Variants in KCNN2 observed in about 807,000 individuals in gnomAD.
KCNN2 encodes potassium calcium-activated channel subfamily N member 2.
In KCNN2, 24 loss-of-function variants were observed where a neutral mutation model predicts 55.5. The ratio of observed to expected loss-of-function variants is 0.43; its 90% CI spans 0.31 to 0.61. The LOEUF (loss-of-function observed/expected upper bound fraction) is 0.61, where lower values mean the gene tolerates loss of function less well. KCNN2 is among the 20% of genes least tolerant of loss of function. The probability of loss-of-function intolerance (pLI) is 0.08; values close to 1 mark genes in which losing one functional copy is unlikely to be tolerated. For missense variants in KCNN2, 754 were observed against 853.6 expected (o/e 0.88, Z 1.45); for synonymous variants, 431 against 336.1 (o/e 1.28, Z -3.09).
chr5:114,261,494 C>T (rs1180995286), intron 2 of KCNN2, among the ~76,000 whole-genome samples: 1 of 152,178 alleles, frequency 6.6e-6, no homozygotes, highest in Non-Finnish European at 1.5e-5. Context: ...GAACCTTTCA[C>T]ACAAAGTGCT....
At chr5:114,157,972 T>C (rs76673742) in intron 1 of KCNN2, among the ~76,000 whole-genome samples, 148,547 of 150,950 alleles carry the variant, frequency 0.98, 73,150 homozygotes, top group Middle Eastern at 1. Context: ...ACTCTGATGG[T>C]AGTTTCTTTT....
chr5:114,306,210 T>G (rs1002308179), intron 2 of KCNN2, among the ~76,000 whole-genome samples: 4 of 152,222 alleles, frequency 2.6e-5, no homozygotes, highest in African/African-American at 9.6e-5. Context: ...GCCAGCTATA[T>G]AGCATTCACC....
chr5:114,363,341 G>T (rs1252533317), intron 1 of KCNN2, 80 bp downstream of exon 1: 7 of 1,436,232 alleles, frequency 4.9e-6, no homozygotes, highest in African/African-American at 1.4e-5. Context: ...GACCCTTTGC[G>T]TGCGGATCCC....
intron 2 of KCNN2, among the ~76,000 whole-genome samples, chr5:114,355,058 A>G (rs1203866446): frequency 6.6e-6 from 1 of 152,174 alleles, no homozygotes; most frequent in Non-Finnish European, 1.5e-5. Flanking sequence ...CATTTAATTT[A>G]ACTTAGCAAA....
intron 2 of KCNN2, among the ~76,000 whole-genome samples, chr5:114,244,612 AT>A (rs1314115588): frequency 3.5e-5 from 5 of 142,578 alleles, no homozygotes; most frequent in Non-Finnish European, 7.7e-5. Context: ...ATGGGGGGTT[AT>A]TGGGGGGAGT....
chr5:114,125,914 C>T (rs1201264498), intron 1 of KCNN2, among the ~76,000 whole-genome samples: 1 of 152,254 alleles, frequency 6.6e-6, no homozygotes, highest in South Asian at 2.1e-4. Flanking sequence ...TATCTCCAAA[C>T]AGTCACAAAG....
At chr5:114,105,138 T>A (rs1240947064) in intron 1 of KCNN2, among the ~76,000 whole-genome samples, 1 of 152,086 alleles carries the variant, frequency 6.6e-6, no homozygotes, top group Non-Finnish European at 1.5e-5. Flanking sequence ...TACCCTAGAC[T>A]GGAGCTTGGC....
chr5:114,260,293 G>A (rs922485390), intron 2 of KCNN2, among the ~76,000 whole-genome samples: 1 of 152,100 alleles, frequency 6.6e-6, no homozygotes, highest in Non-Finnish European at 1.5e-5. Context: ...TTAAATATCA[G>A]TGCCATTCCC....
intron 3 of KCNN2, among the ~76,000 whole-genome samples, chr5:114,453,977 C>T (rs1305813739): frequency 1.3e-5 from 2 of 152,074 alleles, no homozygotes; most frequent in African/African-American, 4.8e-5. Context: ...TGTCCTGTCT[C>T]ACCACACCCC....
intron 2 of KCNN2, among the ~76,000 whole-genome samples, chr5:114,352,875 G>T (rs1757234651): frequency 6.6e-6 from 1 of 151,118 alleles, no homozygotes. Context: ...TTGCTGAGGA[G>T]AATGTTCTGT....
At chr5:114,109,675 A>G (rs1751555608) in intron 1 of KCNN2, among the ~76,000 whole-genome samples, 1 of 152,032 alleles carries the variant, frequency 6.6e-6, no homozygotes, top group Admixed American at 6.6e-5. Flanking sequence ...CTTCATGTGG[A>G]GAAAGTCCAA....
At chr5:114,137,125 A>G (rs1752189167) in intron 1 of KCNN2, among the ~76,000 whole-genome samples, 1 of 152,172 alleles carries the variant, frequency 6.6e-6, no homozygotes, top group South Asian at 2.1e-4. Flanking sequence ...TATGATTTAA[A>G]TAGTCCTCCC....
intron 1 of KCNN2, among the ~76,000 whole-genome samples, chr5:114,064,435 C>T (rs894552530): frequency 2.0e-5 from 3 of 152,188 alleles, no homozygotes; most frequent in Non-Finnish European, 4.4e-5. Flanking sequence ...TCAAAGTCCA[C>T]AGTGCTGTGA....
chr5:114,389,240 C>G lies in KCNN2; in HGVS notation c.1219-15198C>G, dbSNP rs142147567. Among the ~76,000 whole-genome samples, 11 of 152,220 alleles carry G rather than the reference C, an allele frequency of 7.2e-5. No homozygotes were observed. The East Asian group carries it at 1.9e-3, about 27-fold the overall frequency. On this transcript the variant is annotated intron_variant, in intron 2 of 7. Coordinates refer to ENST00000673685, the MANE Select transcript of KCNN2 (RefSeq NM_021614.4). ...ATGTTCGTTTCTCCTTTGCTGAAAACAAGGGCCTTAGATAACCAAACTGGT... is the reference window on the plus strand; with the variant it reads ...ATGTTCGTTTCTCCTTTGCTGAAAAGAAGGGCCTTAGATAACCAAACTGGT...
chr5:114,275,566 G>C (rs6594808), intron 2 of KCNN2, among the ~76,000 whole-genome samples: 136,503 of 152,132 alleles, frequency 0.9, 61,645 homozygotes, highest in East Asian at 0.94. Context: ...GTCTTGGGGG[G>C]TGTATGTGTC....
At chr5:114,352,925 C>T (rs1387021020) in intron 2 of KCNN2, among the ~76,000 whole-genome samples, 1 of 151,826 alleles carries the variant, frequency 6.6e-6, no homozygotes, top group Non-Finnish European at 1.5e-5. Flanking sequence ...CTGCTGTTAA[C>T]ATTTTCTGTA....
intron 2 of KCNN2, among the ~76,000 whole-genome samples, chr5:114,399,528 A>G (rs958917916): frequency 6.6e-6 from 1 of 152,256 alleles, no homozygotes; most frequent in African/African-American, 2.4e-5. Flanking sequence ...TTTTGCATCA[A>G]CGTTCATCAA....
chr5:114,160,833 C>A (rs9687644), intron 1 of KCNN2, among the ~76,000 whole-genome samples: 9 of 151,638 alleles, frequency 5.9e-5, no homozygotes, highest in Admixed American at 1.3e-4. Context: ...CAACCCCTGC[C>A]TTTTTTTGTT....
intron 2 of KCNN2, among the ~76,000 whole-genome samples, chr5:114,237,256 T>TCACAAA (rs1554076227): frequency 1.4e-5 from 2 of 138,510 alleles, no homozygotes; most frequent in African/African-American, 5.4e-5. Context: ...TTGTCAAAAT[T>TCACAAA]CACACACACA....
Sources: allele counts gnomAD v4.1 joint callset (sites outside exome capture counted in the v4.1 genomes callset), GRCh38; gene constraint gnomAD v4.1.1; transcripts MANE v1.5; gene names NCBI Gene and HGNC (gene_info 2026-07-23, HGNC 2026-07-21).